The following MAP4K3 variants were observed in gnomAD, a reference collection of about 807,000 sequenced individuals.
MAP4K3 encodes the protein mitogen-activated protein kinase kinase kinase kinase 3.
A neutral mutation model predicts 143.5 loss-of-function variants in MAP4K3; 94 were observed. That is an observed-to-expected ratio of 0.65 (90% CI 0.55 to 0.78). The LOEUF is 0.78. Among genes scored for constraint, MAP4K3 ranks in the 30% least tolerant of loss-of-function variants. The pLI, the probability that MAP4K3 is intolerant of heterozygous loss-of-function variation, is 0.00. For missense variants in MAP4K3, 1,077 were observed against 1,068.1 expected, an observed-to-expected ratio of 1.01 and a Z score of -0.12; for synonymous variants, 416 against 347.2, an observed-to-expected ratio of 1.20 and a Z score of -2.20.
Position 39,299,754 on chromosome 2 carries a change from TA to T in MAP4K3, c.1166del (p.Leu389Ter). The T allele has an allele frequency of 1.3e-6, 2 of 1,571,006 alleles. No homozygotes were observed. The highest frequency in any genetic ancestry group is 2.4e-5 in the South Asian group (2 of 81,714). On this transcript the variant is annotated frameshift_variant, in exon 16 of 34. Coordinates refer to ENST00000263881, the MANE Select transcript of MAP4K3 (RefSeq NM_003618.4). LOFTEE classifies it high-confidence loss of function. ...AGAACTTTACTTACTTGTTTGCACC[TA>T]AAAAGTAACCACCTTGGTGTCCTTG... ...YGQGHQGGYF[L>X]GANKSLLKSV... is the part of the protein sequence containing the mutation.
At position 39,313,550 on chromosome 2, in the gene MAP4K3, C is replaced by T. The variant is rs776214004; in HGVS notation, c.997+1760G>A. Among the ~76,000 whole-genome samples the T allele has an allele frequency of 6.6e-5, 10 of 151,900 alleles. No individual in the cohort carries two copies. The South Asian group carries it at 8.3e-4, about 13-fold the overall frequency. On this transcript the variant is annotated intron_variant, in intron 13 of 33. Coordinates refer to ENST00000263881, the MANE Select transcript of MAP4K3 (RefSeq NM_003618.4). ...CTCTTTCTTTCAATTGAGACACTGT[C>T]GCCAAGGCTGCAGTGCAGTAGCAGG...
chr2:39,398,748 ATG>A (rs1402665954), intron 1 of MAP4K3, among the ~76,000 whole-genome samples: 10 of 111,616 alleles, frequency 9.0e-5, no homozygotes, highest in East Asian at 6.6e-4. Context: ...AATAATAATG[ATG>A]ATGATAATAA....
At chr2:39,333,752 G>C (rs1006231986) in intron 6 of MAP4K3, among the ~76,000 whole-genome samples, 178 bp from the exon 7 acceptor site, 1 of 151,854 alleles carries the variant, frequency 6.6e-6, no homozygotes, top group Non-Finnish European at 1.5e-5. Context: ...CCACTTTTTA[G>C]GCAACTTGAC....
chr2:39,357,818 G>A (rs1665652949), intron 2 of MAP4K3, among the ~76,000 whole-genome samples: 1 of 152,090 alleles, frequency 6.6e-6, no homozygotes, highest in South Asian at 2.1e-4. Context: ...TGGAAGTTCT[G>A]GACTTTTAGT....
At chr2:39,338,677 T>C (rs557314078) in intron 4 of MAP4K3, among the ~76,000 whole-genome samples, 8 of 152,348 alleles carry the variant, frequency 5.3e-5, no homozygotes, top group African/African-American at 9.6e-5. Context: ...AGAACTCACG[T>C]TGAAACTTAA....
intron 26 of MAP4K3, 82 bp from the exon 27 acceptor site, chr2:39,267,329 A>T (rs1680807341): frequency 9.9e-7 from 1 of 1,010,248 alleles, no homozygotes; most frequent in Non-Finnish European, 1.6e-6. Flanking sequence ...ATCAGTGCAC[A>T]AAGGATGAGT....
chr2:39,364,686 G>A (rs899528017), intron 2 of MAP4K3, among the ~76,000 whole-genome samples: 3 of 152,168 alleles, frequency 2.0e-5, no homozygotes, highest in Admixed American at 6.5e-5. Context: ...TGGCCAACAT[G>A]GTGAAACCCC....
At chr2:39,362,896 C>G (rs1186893030) in intron 2 of MAP4K3, among the ~76,000 whole-genome samples, 1 of 152,136 alleles carries the variant, frequency 6.6e-6, no homozygotes, top group Non-Finnish European at 1.5e-5. Context: ...TAAACACATG[C>G]ATATAAGGTC....
At chr2:39,396,161 C>T (rs968825362) in intron 1 of MAP4K3, among the ~76,000 whole-genome samples, 1 of 152,000 alleles carries the variant, frequency 6.6e-6, no homozygotes, top group Admixed American at 6.6e-5. Flanking sequence ...CCTCGGACTC[C>T]GGAGCAGTTG....
chr2:39,284,749 C>A (rs917850739), intron 21 of MAP4K3, among the ~76,000 whole-genome samples: 44 of 151,660 alleles, frequency 2.9e-4, no homozygotes, highest in African/African-American at 1.0e-3. Context: ...GAGGCTGAGG[C>A]AGGAGAATCA....
intron 13 of MAP4K3, among the ~76,000 whole-genome samples, chr2:39,312,389 T>G (rs1682971254): frequency 6.6e-6 from 1 of 151,894 alleles, no homozygotes; most frequent in African/African-American, 2.4e-5. Flanking sequence ...ACATTTCAAC[T>G]AGTAAGAGCT....
chr2:39,435,875 T>C (rs1196401911), intron 1 of MAP4K3, among the ~76,000 whole-genome samples: 1 of 152,226 alleles, frequency 6.6e-6, no homozygotes, highest in Non-Finnish European at 1.5e-5. Flanking sequence ...CTGTATTAAA[T>C]ATGTAAGTTA....
At chr2:39,281,306 A>G (rs1681516885) in intron 22 of MAP4K3, among the ~76,000 whole-genome samples, 1 of 152,234 alleles carries the variant, frequency 6.6e-6, no homozygotes, top group Admixed American at 6.5e-5. Context: ...AAATATTAAC[A>G]TAATTAAAAC....
At chr2:39,285,653 C>G (rs994694600) in intron 21 of MAP4K3, among the ~76,000 whole-genome samples, 7 of 152,058 alleles carry the variant, frequency 4.6e-5, no homozygotes, top group African/African-American at 1.4e-4. Context: ...AGATATAGCA[C>G]AAAAGACTCT....
At chr2:39,404,479 C>T (rs1459031221) in intron 1 of MAP4K3, among the ~76,000 whole-genome samples, 1 of 151,618 alleles carries the variant, frequency 6.6e-6, no homozygotes, top group East Asian at 1.9e-4. Flanking sequence ...GTGGCCAATG[C>T]GTGAGGCTCC....
intron 2 of MAP4K3, among the ~76,000 whole-genome samples, chr2:39,366,374 G>A (rs930280941): frequency 2.6e-5 from 4 of 152,156 alleles, no homozygotes; most frequent in Non-Finnish European, 5.9e-5. Context: ...AGGAATGTCT[G>A]GGTTCTGATA....
In MAP4K3 at chr2:39,313,860, G is replaced by T. The variant is rs1390661827; in HGVS notation, c.997+1450C>A. On this transcript the variant is annotated intron_variant, in intron 13 of 33. Coordinates refer to ENST00000263881, the MANE Select transcript of MAP4K3 (RefSeq NM_003618.4). ...CATACACATGCATATGCACTTAGAAGTTGAGAATCACTGATATGTTACCAC... is the reference window on the plus strand; with the variant it reads ...CATACACATGCATATGCACTTAGAATTTGAGAATCACTGATATGTTACCAC... 2.0e-5 allele frequency among the ~76,000 whole-genome samples: 3 copies of T among 152,104 alleles called. No homozygotes were observed. The East Asian group carries it at 5.8e-4, about 29-fold the overall frequency.
chr2:39,376,731 GAGA>G (rs1463341670), intron 2 of MAP4K3, among the ~76,000 whole-genome samples: 2 of 152,208 alleles, frequency 1.3e-5, no homozygotes, highest in Admixed American at 6.5e-5. Flanking sequence ...CTTCCTGAAA[GAGA>G]AGGTTTCTTG....
At chr2:39,372,291 C>CA (rs961203148) in intron 2 of MAP4K3, among the ~76,000 whole-genome samples, 506 of 146,612 alleles carry the variant, frequency 3.5e-3, no homozygotes, top group African/African-American at 7.3e-3. Flanking sequence ...AAGAAGTCAC[C>CA]AAAAAAAAAT....
Sources: allele counts gnomAD v4.1 joint callset (sites outside exome capture counted in the v4.1 genomes callset), GRCh38; gene constraint gnomAD v4.1.1; transcripts MANE v1.5; gene names NCBI Gene and HGNC (gene_info 2026-07-23, HGNC 2026-07-21).